Variants in CAPN2 observed in about 807,000 individuals in gnomAD.
The protein encoded by CAPN2 is calpain 2.
In CAPN2, 92 loss-of-function variants were observed where a neutral mutation model predicts 102.3. The ratio of observed to expected loss-of-function variants is 0.90; its 90% confidence interval spans 0.76 to 1.07. The LOEUF is 1.07. Among genes scored for constraint, CAPN2 ranks in the 50% least tolerant of loss-of-function variants. The pLI, the probability that CAPN2 is intolerant of heterozygous loss-of-function variation, is 0.00. For missense variants in CAPN2, 800 were observed against 909.4 expected (o/e 0.88, Z 1.55); for synonymous variants, 340 against 355.4 (o/e 0.96, Z 0.49).
chr1:223,730,254 C>T (rs1264203263), intron 2 of CAPN2, among the ~76,000 whole-genome samples: 1 of 151,918 alleles, frequency 6.6e-6, no homozygotes, highest in African/African-American at 2.4e-5. Flanking sequence ...TTCTCTACAT[C>T]AAGCTTGTCC....
upstream of CAPN2, among the ~76,000 whole-genome samples, chr1:223,709,188 T>TTCAGGGA (rs1169330258): frequency 6.6e-6 from 1 of 152,060 alleles, no homozygotes; most frequent in African/African-American, 2.4e-5. Context: ...GCAAGCAGCA[T>TTCAGGGA]TCAGGGATCT....
intron 2 of CAPN2, among the ~76,000 whole-genome samples, chr1:223,741,387 G>C (rs1009114894): frequency 1.3e-4 from 19 of 145,888 alleles, no homozygotes; most frequent in African/African-American, 5.0e-4. Context: ...TTGGAAAACT[G>C]ATGAAAAACT....
intron 7 of CAPN2, 86 bp from the exon 8 acceptor site, chr1:223,751,911 G>C (rs555645336): frequency 2.3e-5 from 20 of 851,998 alleles, no homozygotes; most frequent in Non-Finnish European, 3.8e-5. Context: ...TCAGAGGTGA[G>C]AGCAGATGTC....
In CAPN2 at chr1:223,717,771, G is replaced by A. The variant is rs146935874; in HGVS notation, c.247G>A (p.Ala83Thr). Residue 83 changes from alanine to threonine, a missense_variant, in exon 2 of 21, where the codon GCT (alanine) becomes ACT (threonine). By Grantham distance (58) the Ala-to-Thr change is moderately conservative. Coordinates refer to ENST00000295006, the MANE Select transcript of CAPN2 (RefSeq NM_001748.5). The part of the protein sequence containing the change: ...IEWKRPTEIC[A>T]DPQFIIGGAT... ...TGGGTCTCGTTCCCAGGAGATCTGC[G>A]CTGACCCCCAGTTTATCATTGGAGG... 68 of 1,613,912 alleles carry A rather than the reference G, an allele frequency of 4.2e-5. No individual in the cohort carries two copies. Among genetic ancestry groups the A allele is most frequent in the African/African-American group, 1.3e-4 (10 of 74,916 alleles).
intron 8 of CAPN2, among the ~76,000 whole-genome samples, 191 bp downstream of exon 8, chr1:223,752,262 G>A (rs1391341055): frequency 1.3e-5 from 2 of 152,160 alleles, no homozygotes; most frequent in African/African-American, 2.4e-5. Flanking sequence ...CCCCTTCAAC[G>A]GTCCATCTTG....
chr1:223,757,666 C>G, intron 11 of CAPN2: 1 of 496,260 alleles, frequency 2.0e-6, no homozygotes, highest in Admixed American at 3.4e-5. Context: ...GATCCTGAGA[C>G]TGCAGGAGGC....
chr1:223,712,934 AGGCCGGCCCGCGGCGCGCTGGGGCG>A, intron 1 of CAPN2, 57 bp downstream of exon 1: 1 of 1,232,704 alleles, frequency 8.1e-7, no homozygotes, highest in Non-Finnish European at 1.0e-6. Context: ...GGCGGGGTGC[AGGCCGGCCCGCGGCGCGCTGGGGCG>A]GGGGGCAGCC....
rs1270430504 is a variant in CAPN2, at chr1:223,742,490, A to ATG, written c.308-1609_308-1608insGT. The stretch of plus-strand genomic sequence containing the variant: ...ATTACATATATTACATATTTTATAT[A>ATG]TATGTGTGTATATATATATATATAT... On this transcript the variant is annotated intron_variant, in intron 2 of 20. Transcript: ENST00000295006. Among the ~76,000 whole-genome samples, 45 of 54,614 alleles carry ATG rather than the reference A, an allele frequency of 8.2e-4. 1 individual carries two copies. The highest frequency in any genetic ancestry group is 4.9e-3 in the South Asian group (6 of 1,214). 35.8% of individuals were successfully genotyped at this position (54,614 alleles called of 152,430 possible). A position where few individuals can be genotyped will look rare whatever the true frequency, so the allele number is the denominator to read the frequency against.
chr1:223,714,701 A>G (rs976369287), intron 1 of CAPN2, among the ~76,000 whole-genome samples: 1 of 151,972 alleles, frequency 6.6e-6, no homozygotes, highest in East Asian at 1.9e-4. Flanking sequence ...TACAGTTTAC[A>G]TAGTGAGTTC....
chr1:223,703,313 ATT>A (rs139483852), intron 1 of CAPN2, among the ~76,000 whole-genome samples: 16 of 146,510 alleles, frequency 1.1e-4, no homozygotes, highest in Admixed American at 2.0e-4. Flanking sequence ...AAAGCATTTG[ATT>A]TTTTTTTTTT....
At chr1:223,720,315 C>CTCTTTTTTT (rs564518898) in intron 2 of CAPN2, among the ~76,000 whole-genome samples, 21 of 107,468 alleles carry the variant, frequency 2.0e-4, no homozygotes, top group East Asian at 1.6e-3. Context: ...CTCTTTCTCT[C>CTCTTTTTTT]TTTTTTTTTT....
At chr1:223,770,121 C>T (rs1202394029) in intron 17 of CAPN2, 1 of 595,586 alleles carries the variant, frequency 1.7e-6, no homozygotes, top group African/African-American at 1.9e-5. Flanking sequence ...TATTCCCTTC[C>T]TCCTGATTAT....
chr1:223,749,630 A>G (rs892319158), intron 6 of CAPN2, among the ~76,000 whole-genome samples: 3 of 152,238 alleles, frequency 2.0e-5, no homozygotes, highest in South Asian at 2.1e-4. Context: ...TGGCGATTCA[A>G]TCAAGTTAAT....
At position 223,757,384 on chromosome 1, in the gene CAPN2, C is replaced by A; in HGVS notation, c.1317+4C>A. Reference sequence around the variant, plus strand: ...TATTTTGCAGGTTCCAGAGGAGGTACGTCTGGCCCATGTCCCGGGGTGCTC... The same window carrying A: ...TATTTTGCAGGTTCCAGAGGAGGTAAGTCTGGCCCATGTCCCGGGGTGCTC... On this transcript the variant is annotated splice_donor_region_variant and intron_variant, in intron 11 of 20. Transcript: ENST00000295006. 6.2e-7 allele frequency: 1 copy of A among 1,614,154 alleles called. No individual in the cohort carries two copies. Among genetic ancestry groups the A allele is most frequent in the African/African-American group, 1.3e-5 (1 of 75,046 alleles).
chr1:223,764,117 G>C, intron 14 of CAPN2, 33 bp from the exon 15 acceptor site: 2 of 1,590,380 alleles, frequency 1.3e-6, no homozygotes, highest in South Asian at 1.1e-5. Flanking sequence ...CCCACGGGGG[G>C]CCAATAACTA....
At chr1:223,764,268 A>G in intron 15 of CAPN2, 61 bp downstream of exon 15, 1 of 1,435,756 alleles carries the variant, frequency 7.0e-7, no homozygotes, top group Non-Finnish European at 9.8e-7. Context: ...GGGAGGGAAC[A>G]TGGAAATCTT....
rs1660196623 is a variant in CAPN2, at chr1:223,726,601, C to T, written c.307+8770C>T. 6.6e-6 allele frequency among the ~76,000 whole-genome samples: 1 copy of T among 152,090 alleles called. No homozygotes were observed. Among genetic ancestry groups the T allele is most frequent in the Non-Finnish European group, 1.5e-5 (1 of 68,008 alleles). On this transcript the variant is annotated intron_variant, in intron 2 of 20. Transcript: ENST00000295006. This position sits in a 1 kb window ranked among gnomAD's most constrained non-coding sequence, Gnocchi z 4.4. Reference sequence around the variant, plus strand: ...CTCCCTTTTAGGGCCTCCCTTCTGGCAGATAGGGCAGGGAGAAGGGAAAGG... The same window carrying T: ...CTCCCTTTTAGGGCCTCCCTTCTGGTAGATAGGGCAGGGAGAAGGGAAAGG...
At chr1:223,747,665 T>C (rs1185199086) in intron 5 of CAPN2, among the ~76,000 whole-genome samples, 9 of 152,172 alleles carry the variant, frequency 5.9e-5, no homozygotes, top group Non-Finnish European at 7.4e-5. Context: ...TAATAACTCA[T>C]GGAAAGGACC....
intron 2 of CAPN2, among the ~76,000 whole-genome samples, chr1:223,739,943 C>T (rs1558067468): frequency 6.6e-6 from 1 of 152,222 alleles, no homozygotes; most frequent in Non-Finnish European, 1.5e-5. Context: ...CAGCTCTAAA[C>T]AGGCTTTGCC....
Sources: gnomAD v4.1 joint callset for allele counts (sites outside exome capture counted in the v4.1 genomes callset) on GRCh38, gnomAD v4.1.1 for gene constraint, Gnocchi (gnomAD v3.1) non-coding constraint, MANE v1.5 for transcripts, NCBI Gene and HGNC (gene_info 2026-07-23, HGNC 2026-07-21) for gene names.